DGKD: variants seen among roughly 807,000 people sequenced by gnomAD.
DGKD encodes the protein DAG kinase delta.
Under a neutral mutation model 154.4 loss-of-function variants are expected in DGKD, and 68 were observed. The observed-to-expected ratio is 0.44, with a 90% CI of 0.36 to 0.54. DGKD has a LOEUF of 0.54. Ranked by LOEUF, DGKD falls within the 20% of genes least tolerant of loss-of-function variation. The pLI is 0.00. For synonymous variants in DGKD, 693 were observed against 638.0 expected (o/e 1.09, Z -1.30); for missense variants, 1,343 against 1,593.6 (o/e 0.84, Z 2.68).
At chr2:233,450,851 G>C (rs571745349) in intron 16 of DGKD, 71 bp from the exon 17 acceptor site, 1 of 1,544,602 alleles carries the variant, frequency 6.5e-7, no homozygotes, top group Non-Finnish European at 8.8e-7. Context: ...TGCTCGTGTC[G>C]CTAAGGACCC....
chr2:233,460,115 G>C, intron 23 of DGKD, 79 bp from the exon 24 acceptor site: 3 of 1,547,296 alleles, frequency 1.9e-6, no homozygotes, highest in Non-Finnish European at 2.6e-6. Context: ...TTGTGATCTC[G>C]TTGGCATCCC....
At chr2:233,376,476 G>A (rs1702578166) in intron 1 of DGKD, among the ~76,000 whole-genome samples, 5 of 152,056 alleles carry the variant, frequency 3.3e-5, no homozygotes, top group Admixed American at 3.3e-4. Context: ...TAAGCTCCTG[G>A]CACATAGTAG....
At chr2:233,390,817 T>G (rs1703553374) in intron 3 of DGKD, among the ~76,000 whole-genome samples, 1 of 152,216 alleles carries the variant, frequency 6.6e-6, no homozygotes, top group Non-Finnish European at 1.5e-5. Context: ...CACAGCAACT[T>G]CCGCCTCCCG....
intron 1 of DGKD, among the ~76,000 whole-genome samples, chr2:233,372,137 C>T (rs1230529856): frequency 2.6e-5 from 4 of 152,120 alleles, no homozygotes; most frequent in African/African-American, 9.7e-5. Context: ...TCCTCCCAGT[C>T]AGCCTCCTGA....
chr2:233,439,160 G>A (rs1362294808), intron 9 of DGKD, among the ~76,000 whole-genome samples: 1 of 152,242 alleles, frequency 6.6e-6, no homozygotes, highest in South Asian at 2.1e-4. Flanking sequence ...CCAGGTCGGA[G>A]CTCTAAGAGG....
chr2:233,355,011 C>G (rs772913126), intron 1 of DGKD, among the ~76,000 whole-genome samples: 1 of 151,634 alleles, frequency 6.6e-6, no homozygotes, highest in African/African-American at 2.4e-5. Flanking sequence ...GGACTGCGCT[C>G]GTGCCACCGA....
intron 1 of DGKD, among the ~76,000 whole-genome samples, chr2:233,368,945 C>T (rs1233327638): frequency 1.3e-5 from 2 of 152,198 alleles, no homozygotes; most frequent in Admixed American, 6.5e-5. Flanking sequence ...CAGCCCACAG[C>T]GTGCATTGCT....
At chr2:233,358,978 C>G (rs577177575) in intron 1 of DGKD, among the ~76,000 whole-genome samples, 1 of 152,284 alleles carries the variant, frequency 6.6e-6, no homozygotes, top group East Asian at 1.9e-4. Context: ...AAAAAGCTGC[C>G]GTAACATTTT....
chr2:233,434,447 C>T lies in DGKD; in HGVS notation c.416C>T (p.Ala139Val). The change falls in exon 4 of 30, where the codon GCA becomes GTA. Residue 139 changes from alanine to valine, a missense_variant. Around this residue, in one of 6 missense-constraint regions of DGKD, gnomAD observed 332 missense variants for 400.1 expected, o/e 0.83. Transcript: ENST00000264057. ...DNRKEMEDWI[A>V]ALKTVQNREH... is the part of the protein sequence containing the mutation. ...AGAAAAGAAATGGAAGATTGGATTGCAGCATTAAAGACTGTGCAGAACAGG... is the reference window on the plus strand; with the variant it reads ...AGAAAAGAAATGGAAGATTGGATTGTAGCATTAAAGACTGTGCAGAACAGG... 6.2e-7 allele frequency: 1 copy of T among 1,614,060 alleles called. No homozygotes were observed. Among genetic ancestry groups the T allele is most frequent in the Non-Finnish European group, 8.5e-7 (1 of 1,179,994 alleles).
intron 1 of DGKD, among the ~76,000 whole-genome samples, chr2:233,360,037 A>G (rs1377004897): frequency 6.6e-6 from 1 of 152,162 alleles, no homozygotes; most frequent in Non-Finnish European, 1.5e-5. Context: ...GAGTGACTGC[A>G]GCGCCACTCT....
chr2:233,461,221 A>C (rs529292092), intron 24 of DGKD, among the ~76,000 whole-genome samples: 1 of 152,240 alleles, frequency 6.6e-6, no homozygotes, highest in South Asian at 2.1e-4. Flanking sequence ...GCCTGCCTGC[A>C]TTCTCCCCCC....
intron 3 of DGKD, among the ~76,000 whole-genome samples, chr2:233,417,931 A>G (rs1313116140): frequency 6.6e-6 from 1 of 152,224 alleles, no homozygotes; most frequent in Non-Finnish European, 1.5e-5. Flanking sequence ...GTTGTGCGAC[A>G]GCCTCACAAC....
rs1169068905 is a variant in DGKD, at chr2:233,441,273, A to G, written c.1086-614A>G. 6.6e-6 allele frequency among the ~76,000 whole-genome samples: 1 copy of G among 152,094 alleles called. No individual in the cohort carries two copies. The highest frequency in any genetic ancestry group is 1.5e-5 in the Non-Finnish European group (1 of 68,002). On this transcript the variant is annotated intron_variant, in intron 9 of 29. Coordinates refer to ENST00000264057, the MANE Select transcript of DGKD (RefSeq NM_152879.3). This position sits in a 1 kb window ranked among gnomAD's most constrained non-coding sequence, Gnocchi z 5.6. ...GTTAGGAGGGTAGGAGGCGTGGGTC[A>G]CATCACCGGAGGACTGAGTGGGCCC...
intron 28 of DGKD, among the ~76,000 whole-genome samples, chr2:233,467,831 TTTC>T (rs2063871952): frequency 6.6e-6 from 1 of 152,322 alleles, no homozygotes; most frequent in East Asian, 1.9e-4. Flanking sequence ...CCTGTGGGTT[TTTC>T]TTCTTTGCAT....
chr2:233,384,300 G>A (rs940878798), intron 1 of DGKD, among the ~76,000 whole-genome samples: 1 of 152,076 alleles, frequency 6.6e-6, no homozygotes, highest in African/African-American at 2.4e-5. Context: ...TCTTCTCGAC[G>A]TGCTCTCTGC....
At position 233,438,928 on chromosome 2, in the gene DGKD, C is replaced by T. The variant is rs1341480426; in HGVS notation, c.1085+549C>T. On this transcript the variant is annotated intron_variant, in intron 9 of 29. Transcript: ENST00000264057. The surrounding 1 kb of genome is among the most constrained non-coding windows in gnomAD (Gnocchi z 4.1). ...GTGTTTGCTGAGAGGCACAGGAGGC[C>T]GCTCGGTGTGCAGGTGCTGCAAGGC... is the stretch of plus-strand genomic sequence containing the variant. 3.9e-5 allele frequency among the ~76,000 whole-genome samples: 6 copies of T among 152,174 alleles called. No homozygotes were observed. Among genetic ancestry groups the T allele is most frequent in the African/African-American group, 7.2e-5 (3 of 41,436 alleles).
chr2:233,436,298 G>T lies in DGKD; in HGVS notation c.694-18G>T, dbSNP rs770866280. 1.1e-5 allele frequency: 17 copies of T among 1,613,926 alleles called. No homozygotes were observed. In the African/African-American group the frequency reaches 2.0e-4, roughly 19 times the overall value. On this transcript the variant is annotated intron_variant, in intron 6 of 29. Coordinates refer to ENST00000264057, the MANE Select transcript of DGKD (RefSeq NM_152879.3). Reference sequence around the variant, plus strand: ...AACCTTGGGAGCGTCCCTAGTGCGTGCCTCTGTTTGGTTGCAGATTGCAAT... The same window carrying T: ...AACCTTGGGAGCGTCCCTAGTGCGTTCCTCTGTTTGGTTGCAGATTGCAAT...
At chr2:233,432,223 C>T (rs1172241330) in intron 3 of DGKD, among the ~76,000 whole-genome samples, 1 of 96,352 alleles carries the variant, frequency 1.0e-5, no homozygotes, top group African/African-American at 4.0e-5. Context: ...AACCTCGTCT[C>T]TATTAAAAAT....
At chr2:233,388,081 C>T (rs1046738135) in intron 1 of DGKD, 176 bp from the exon 2 acceptor site, 38 of 1,409,672 alleles carry the variant, frequency 2.7e-5, no homozygotes, top group African/African-American at 5.8e-5. Flanking sequence ...GTGCAACCCC[C>T]CATGCCCCCG....
Sources: allele counts gnomAD v4.1 joint callset (sites outside exome capture counted in the v4.1 genomes callset), GRCh38; gene constraint gnomAD v4.1.1; regional missense constraint gnomAD v4.1.1; non-coding constraint Gnocchi (gnomAD v3.1); transcripts MANE v1.5; gene names NCBI Gene and HGNC (gene_info 2026-07-23, HGNC 2026-07-21).